DDX59: variants seen among roughly 807,000 people sequenced by gnomAD.
DDX59 encodes DEAD-box helicase 59, also known as probable ATP-dependent RNA helicase DDX59.
Under a neutral mutation model 51.9 loss-of-function variants are expected in DDX59, and 30 were observed. The ratio of observed to expected loss-of-function variants is 0.58; its 90% CI spans 0.43 to 0.78. DDX59 has a LOEUF of 0.78. DDX59 is among the 30% of genes least tolerant of loss of function. The pLI is 0.00. For missense variants in DDX59, 672 were observed against 730.8 expected, an observed-to-expected ratio of 0.92 and a Z score of 0.93; for synonymous variants, 255 against 253.3, an observed-to-expected ratio of 1.01 and a Z score of -0.06.
At chr1:200,646,347 C>CA (rs1277909759) in intron 7 of DDX59, among the ~76,000 whole-genome samples, 3 of 150,938 alleles carry the variant, frequency 2.0e-5, no homozygotes, top group African/African-American at 7.3e-5. Flanking sequence ...AAAAAACAAA[C>CA]AAACAAAAAA....
chr1:200,664,003 A>G lies in DDX59; in HGVS notation c.888T>C (p.Ser296=). ...GCACAGTTTTCATGCGTGGCAGGCC[A>G]CTCATCAATTCTTTAGCTTGTCTCT... ...QIERQAKELM[S]GLPRMKTVLL... is the part of the protein sequence containing the mutation. Residue 296 remains serine (S), a synonymous_variant, in exon 3 of 8, where the codon AGT becomes AGC. Coordinates refer to ENST00000331314, the MANE Select transcript of DDX59 (RefSeq NM_001031725.6). The G allele has an allele frequency of 6.2e-7, 1 of 1,614,218 alleles. No individual in the cohort carries two copies. Among genetic ancestry groups the G allele is most frequent in the South Asian group, 1.1e-5 (1 of 91,082 alleles).
At chr1:200,666,865 T>C in intron 1 of DDX59, 114 bp from the exon 2 acceptor site, 1 of 1,085,792 alleles carries the variant, frequency 9.2e-7, no homozygotes, top group Non-Finnish European at 1.3e-6. Context: ...CCCAGCACTT[T>C]GGGAGGCCGA....
At position 200,668,847 on chromosome 1, in the gene DDX59, A is replaced by T. The variant is rs1370731713; in HGVS notation, c.-12+920T>A. On this transcript the variant is annotated intron_variant, in intron 1 of 7. Coordinates refer to ENST00000331314, the MANE Select transcript of DDX59 (RefSeq NM_001031725.6). Reference sequence around the variant, plus strand: ...CCACAATCCTTTATCTCTAGCCTGAACATTCCTTTTTATGGATCCCAGGTC... The same window carrying T: ...CCACAATCCTTTATCTCTAGCCTGATCATTCCTTTTTATGGATCCCAGGTC... Among the ~76,000 whole-genome samples, 3 of 152,236 alleles carry T rather than the reference A, an allele frequency of 2.0e-5. No individual in the cohort carries two copies. In the East Asian group the frequency reaches 5.8e-4, roughly 29 times the overall value.
At chr1:200,667,555 A>G (rs1229087741) in intron 1 of DDX59, among the ~76,000 whole-genome samples, 2 of 152,184 alleles carry the variant, frequency 1.3e-5, no homozygotes, top group African/African-American at 4.8e-5. Context: ...CCTTGTACAC[A>G]TGGTCTATTT....
At chr1:200,662,033 G>A (rs893726222) in intron 3 of DDX59, among the ~76,000 whole-genome samples, 13 of 152,058 alleles carry the variant, frequency 8.5e-5, no homozygotes, top group Admixed American at 7.9e-4. Context: ...GAAGCTCCTC[G>A]CACCCCCTCT....
intron 1 of DDX59, 123 bp from the exon 2 acceptor site, chr1:200,666,874 G>A (rs1282807186): frequency 1.1e-5 from 10 of 905,380 alleles, no homozygotes; most frequent in East Asian, 2.7e-5. Context: ...TTGGGAGGCC[G>A]AGGCAGGCAG....
chr1:200,658,939 G>A lies in DDX59; in HGVS notation c.1062+88C>T, dbSNP rs187440188. On this transcript the variant is annotated intron_variant, in intron 4 of 7. Transcript: ENST00000331314. ...GAGGTTTTTTTTGAGAGAGAGAAAA[G>A]GTACTGAACATACAATGAAATTATA... The A allele has an allele frequency of 9.8e-6, 11 of 1,125,892 alleles. No homozygotes were observed. The East Asian group carries it at 2.7e-4, about 28-fold the overall frequency. The allele number at this position is 1,125,892 out of a possible 1,614,324, so 69.7% of individuals were successfully genotyped here. A position where few individuals can be genotyped will look rare whatever the true frequency, so the allele number is the denominator to read the frequency against.
intron 4 of DDX59, among the ~76,000 whole-genome samples, chr1:200,655,704 C>T (rs1355867237): frequency 6.6e-6 from 1 of 152,128 alleles, no homozygotes; most frequent in African/African-American, 2.4e-5. Context: ...AATCTTTTTC[C>T]ATCTTTTGAA....
At chr1:200,645,106 C>A (rs1261329623) in intron 7 of DDX59, among the ~76,000 whole-genome samples, 1 of 151,834 alleles carries the variant, frequency 6.6e-6, no homozygotes, top group Non-Finnish European at 1.5e-5. Context: ...TTTAGTTATA[C>A]CTGTATGGGT....
rs1444568059 is a variant in DDX59, at chr1:200,666,218, A to G, written c.523T>C (p.Leu175=). ...TCAATCTGGTCTTCCTGAAGGTTCA[A>G]AATAAAGGGGTGCTCTTTGTAGACA... The part of the protein sequence containing the change: ...SYVYKEHPFI[L]NLQEDQIENL... Residue 175 remains leucine (L), a synonymous_variant, in exon 2 of 8, where the codon TTG becomes CTG. Coordinates refer to ENST00000331314, the MANE Select transcript of DDX59 (RefSeq NM_001031725.6). 9 of 1,614,112 alleles carry G rather than the reference A, an allele frequency of 5.6e-6. No individual in the cohort carries two copies. The highest frequency in any genetic ancestry group is 1.6e-4 in the Middle Eastern group (1 of 6,084).
Position 200,666,105 on chromosome 1 carries a change from C to A in DDX59, c.636G>T (p.Glu212Asp). ...ATTTCTTCAAGTTGTGATTTAAGACCTCAGGGAGACTACAATGTTCAAAGT... is the reference window on the plus strand; with the variant it reads ...ATTTCTTCAAGTTGTGATTTAAGACATCAGGGAGACTACAATGTTCAAAGT... ...IIDFEHCSLPEVLNHNLKKSG... is the reference protein window; with the variant it reads ...IIDFEHCSLPDVLNHNLKKSG... Residue 212 changes from glutamate (E) to aspartate (D), a missense_variant, in exon 2 of 8, where the codon GAG becomes GAT. Transcript: ENST00000331314. 6.2e-7 allele frequency: 1 copy of A among 1,614,160 alleles called. No homozygotes were observed. Among genetic ancestry groups the A allele is most frequent in the Middle Eastern group, 1.6e-4 (1 of 6,062 alleles).
At chr1:200,653,527 T>G (rs1366473104) in intron 4 of DDX59, among the ~76,000 whole-genome samples, 1 of 152,194 alleles carries the variant, frequency 6.6e-6, no homozygotes, top group African/African-American at 2.4e-5. Flanking sequence ...AGCAACCAGA[T>G]AGATTCTTCT....
At chr1:200,649,311 A>C in intron 5 of DDX59, 85 bp from the exon 6 acceptor site, 1 of 1,259,648 alleles carries the variant, frequency 7.9e-7, no homozygotes, top group Non-Finnish European at 1.1e-6. Context: ...ATCACAAGCT[A>C]GTTATCAATA....
downstream of DDX59, among the ~76,000 whole-genome samples, chr1:200,642,218 T>C (rs1661069092): frequency 6.6e-6 from 1 of 152,162 alleles, no homozygotes; most frequent in Non-Finnish European, 1.5e-5. Flanking sequence ...AAAACAAATG[T>C]CTGAGAGTGT....
chr1:200,659,251 A>C, intron 3 of DDX59, 135 bp from the exon 4 acceptor site: 1 of 635,052 alleles, frequency 1.6e-6, no homozygotes, highest in Non-Finnish European at 2.8e-6. Context: ...AATAAGCCAG[A>C]CATAGTCTCT....
chr1:200,646,512 T>C (rs1661305625), intron 7 of DDX59, among the ~76,000 whole-genome samples: 2 of 152,320 alleles, frequency 1.3e-5, no homozygotes, highest in South Asian at 4.1e-4. Context: ...CATGACATAA[T>C]GTTCAACATC....
rs892368249 is a variant in DDX59, at chr1:200,649,316, T to C, written c.1315-90A>G. 7 of 1,241,256 alleles carry C rather than the reference T, an allele frequency of 5.6e-6. No homozygotes were observed. The African/African-American group carries it at 1.1e-4, about 19-fold the overall frequency. The allele number at this position is 1,241,256 out of a possible 1,614,324, so 76.9% of individuals were successfully genotyped here. ...CTGAAAGATTATCACAAGCTAGTTA[T>C]CAATAGATTTATAAATATTGTTAAG... On this transcript the variant is annotated intron_variant, in intron 5 of 7. Coordinates refer to ENST00000331314, the MANE Select transcript of DDX59 (RefSeq NM_001031725.6).
At chr1:200,652,019 A>G (rs1252492978) in intron 4 of DDX59, among the ~76,000 whole-genome samples, 2 of 152,150 alleles carry the variant, frequency 1.3e-5, no homozygotes, top group African/African-American at 4.8e-5. Flanking sequence ...AAAAAAAAAA[A>G]AAAAAAAAAG....
At position 200,666,046 on chromosome 1, in the gene DDX59, T is replaced by A; in HGVS notation, c.695A>T (p.Gln232Leu). The A allele has an allele frequency of 1.2e-6, 2 of 1,614,214 alleles. No individual in the cohort carries two copies. Among genetic ancestry groups the A allele is most frequent in the Non-Finnish European group, 1.7e-6 (2 of 1,180,038 alleles). ...GYEVPTPIQM[Q>L]MIPVGLLGRD... is the part of the protein sequence containing the mutation. ...TCCCAGAAGTCCCACAGGAATCATC[T>A]GCATTTGAATGGGAGTTGGCACCTC... is the stretch of plus-strand genomic sequence containing the variant. Residue 232 changes from glutamine (Q) to leucine (L), a missense_variant, in exon 2 of 8, where the codon CAG becomes CTG. Physicochemically the swap from Gln to Leu is moderately radical, Grantham distance 113. Transcript: ENST00000331314.
Sources: gnomAD v4.1 joint callset for allele counts (sites outside exome capture counted in the v4.1 genomes callset) on GRCh38, gnomAD v4.1.1 for gene constraint, MANE v1.5 for transcripts, NCBI Gene and HGNC (gene_info 2026-07-23, HGNC 2026-07-21) for gene names.